Variants in RBFOX2 observed in about 807,000 individuals in gnomAD.
RBFOX2 encodes RNA binding protein fox-1 homolog 2.
A neutral mutation model predicts 49.1 loss-of-function variants in RBFOX2; 10 were observed. The observed-to-expected ratio is 0.20, with a 90% CI of 0.13 to 0.35. The LOEUF (loss-of-function observed/expected upper bound fraction) is 0.35. Ranked by LOEUF, RBFOX2 falls within the 10% of genes least tolerant of loss-of-function variation. The probability of loss-of-function intolerance (pLI) is 1.00; values close to 1 mark genes in which losing one functional copy is unlikely to be tolerated. For synonymous variants in RBFOX2, 183 were observed against 187.4 expected (o/e 0.98, Z 0.19); for missense variants, 323 against 486.9 (o/e 0.66, Z 3.17).
intron 1 of RBFOX2, chr22:35,822,016 C>T (rs990021303): frequency 9.8e-6 from 5 of 512,740 alleles, no homozygotes; most frequent in African/African-American, 3.9e-5. Flanking sequence ...ACCAAGCAAT[C>T]AGCAAGGCCT....
intron 1 of RBFOX2, among the ~76,000 whole-genome samples, chr22:35,854,363 T>C (rs944512775): frequency 3.9e-5 from 6 of 151,988 alleles, no homozygotes; most frequent in Non-Finnish European, 7.4e-5. Context: ...GTCAGGAGGA[T>C]TGCTTGAGGC....
chr22:35,840,647 T>C (rs1442678775), upstream of RBFOX2: 5 of 1,048,930 alleles, frequency 4.8e-6, no homozygotes, highest in South Asian at 3.8e-5. Flanking sequence ...TGTGTGTGTG[T>C]GTGTGTGTGT....
At chr22:35,789,273 C>T (rs1274152303) in intron 2 of RBFOX2, among the ~76,000 whole-genome samples, 2 of 152,010 alleles carry the variant, frequency 1.3e-5, no homozygotes, top group Non-Finnish European at 2.9e-5. Context: ...CCAGGTAGAG[C>T]GGCTCACACC....
intron 9 of RBFOX2, chr22:35,748,521 T>C (rs1402377487): frequency 6.6e-6 from 1 of 152,148 alleles, no homozygotes; most frequent in African/African-American, 2.4e-5. Flanking sequence ...CAAATGTTAA[T>C]TACAGTTGGA....
chr22:36,001,186 C>CAT (rs898589662), intron 1 of RBFOX2, among the ~76,000 whole-genome samples: 2 of 1,432 alleles, frequency 1.4e-3, no homozygotes, highest in Non-Finnish European at 3.1e-3. Flanking sequence ...CCAAAACATA[C>CAT]ACACACACAC....
chr22:35,823,873 G>A (rs1020400105), intron 1 of RBFOX2, among the ~76,000 whole-genome samples: 9 of 152,220 alleles, frequency 5.9e-5, no homozygotes, highest in Admixed American at 5.9e-4. Context: ...TATGTGGCCG[G>A]ATGCAGTGGC....
At position 35,839,205 on chromosome 22, in the gene RBFOX2, A is replaced by G. The variant is rs376756682; in HGVS notation, c.27+987T>C. ...CTCATTGATAAATCAGAGCCTCATC[A>G]TTTCCTCTTAACCTATACATAAAGG... is the stretch of plus-strand genomic sequence containing the variant. On this transcript the variant is annotated intron_variant, in intron 1 of 11. Transcript: ENST00000405409. 2.4e-4 allele frequency among the ~76,000 whole-genome samples: 37 copies of G among 152,348 alleles called. No homozygotes were observed. In the East Asian group the frequency reaches 5.4e-3, roughly 22 times the overall value.
At chr22:35,988,989 A>T (rs1173892455) in intron 1 of RBFOX2, among the ~76,000 whole-genome samples, 1 of 152,244 alleles carries the variant, frequency 6.6e-6, no homozygotes, top group Non-Finnish European at 1.5e-5. Context: ...TATGAGTTCA[A>T]GACCAGCCTT....
intron 1 of RBFOX2, among the ~76,000 whole-genome samples, chr22:35,828,846 T>C (rs2148625111): frequency 6.6e-6 from 1 of 151,978 alleles, no homozygotes; most frequent in East Asian, 1.9e-4. Context: ...GGTCAGGAGA[T>C]AGAGACCATC....
chr22:35,742,748 G>A (rs892313794), exon 12 of RBFOX2: 5 of 152,344 alleles, frequency 3.3e-5, no homozygotes, highest in African/African-American at 4.8e-5. Context: ...AGATGGCAAC[G>A]GCAGTGACTC....
intron 1 of RBFOX2, among the ~76,000 whole-genome samples, chr22:35,836,708 AC>A (rs1301548029): frequency 6.6e-6 from 1 of 152,260 alleles, no homozygotes; most frequent in Non-Finnish European, 1.5e-5. Context: ...ATAGTAGAGT[AC>A]AAAAATTTTC....
At chr22:35,968,240 G>T (rs980229156) in intron 1 of RBFOX2, among the ~76,000 whole-genome samples, 2 of 152,240 alleles carry the variant, frequency 1.3e-5, no homozygotes, top group African/African-American at 2.4e-5. Flanking sequence ...AGTTGAAAGG[G>T]TTAGTTAAGG....
chr22:36,028,440 C>T, exon 1 of RBFOX2: 18 of 1,196,702 alleles, frequency 1.5e-5, no homozygotes, highest in South Asian at 4.1e-5. Context: ...CCGCGCCCCC[C>T]TCGCCTCCGG....
In RBFOX2 at chr22:35,951,663, A is replaced by G. The variant is rs2054955558; in HGVS notation, c.42+9900T>C. Among the ~76,000 whole-genome samples, 3 of 152,208 alleles carry G rather than the reference A, an allele frequency of 2.0e-5. No homozygotes were observed. In the South Asian group the frequency reaches 6.2e-4, roughly 31 times the overall value. On this transcript the variant is annotated intron_variant, in intron 1 of 5. Coordinates refer to the RBFOX2 transcript ENST00000408983. ...AAATGCTGACAGCTACTTACTATATATAAGACAGACATTATGCCTAGTGTT... is the reference window on the plus strand; with the variant it reads ...AAATGCTGACAGCTACTTACTATATGTAAGACAGACATTATGCCTAGTGTT...
intron 1 of RBFOX2, among the ~76,000 whole-genome samples, chr22:35,876,235 A>G (rs1054389209): frequency 6.6e-6 from 1 of 151,716 alleles, no homozygotes; most frequent in African/African-American, 2.4e-5. Context: ...AAATTTTTTT[A>G]TTTTTTTTGA....
exon 1 of RBFOX2, chr22:35,840,338 CTCTT>C (rs1470637945): frequency 6.4e-7 from 1 of 1,554,478 alleles, no homozygotes; most frequent in African/African-American, 1.4e-5. Flanking sequence ...TAATTGATCT[CTCTT>C]TATACCGTTT....
chr22:35,780,220 CA>C (rs1944830011), intron 3 of RBFOX2, among the ~76,000 whole-genome samples: 1 of 151,978 alleles, frequency 6.6e-6, no homozygotes, highest in African/African-American at 2.4e-5. Flanking sequence ...AAAATACATC[CA>C]AGTAGTCAGC....
intron 1 of RBFOX2, among the ~76,000 whole-genome samples, chr22:36,014,025 G>GT (rs935362422): frequency 4.7e-4 from 69 of 147,066 alleles, no homozygotes; most frequent in Middle Eastern, 7.0e-3. Context: ...AGTGTGATAG[G>GT]TTTTTTTTTT....
chr22:35,747,305 TTC>T (rs1218014192), intron 9 of RBFOX2: 1 of 152,324 alleles, frequency 6.6e-6, no homozygotes, highest in Non-Finnish European at 1.5e-5. Context: ...TTTCTGAGGA[TTC>T]TTTGGCTGGA....
Sources: gnomAD v4.1 joint callset for allele counts (sites outside exome capture counted in the v4.1 genomes callset) on GRCh38, gnomAD v4.1.1 for gene constraint, MANE v1.5 for transcripts, NCBI Gene and HGNC (gene_info 2026-07-23, HGNC 2026-07-21) for gene names.